The following ZFP1 variants were observed in gnomAD, a reference collection of about 807,000 sequenced individuals.
ZFP1 encodes the protein ZFP1 zinc finger protein.
ZFP1 carries 32 observed loss-of-function variants against 38.5 expected under a neutral mutation model. That is an observed-to-expected ratio of 0.83 (90% CI 0.63 to 1.12). The LOEUF (loss-of-function observed/expected upper bound fraction) is 1.12. Among genes scored for constraint, ZFP1 ranks in the 50% most tolerant of loss-of-function variants. The pLI is 0.00. For synonymous variants in ZFP1, 245 were observed against 168.8 expected (o/e 1.45, Z -3.50); for missense variants, 616 against 480.8 (o/e 1.28, Z -2.63).
At chr16:75,130,917 C>T in the ZFP1 span, among the ~76,000 whole-genome samples, 3 of 152,028 alleles carry the variant, frequency 2.0e-5, no homozygotes, top group African/African-American at 7.2e-5. Flanking sequence ...ATGCAAAGCC[C>T]TTGCAGTGGC....
At chr16:75,121,420 C>G in the ZFP1 span, among the ~76,000 whole-genome samples, 3 of 152,118 alleles carry the variant, frequency 2.0e-5, no homozygotes, top group Admixed American at 6.5e-5. Context: ...CCACCACACC[C>G]GGCAAATTTC....
chr16:75,141,102 A>T, the ZFP1 span, among the ~76,000 whole-genome samples: 2 of 152,184 alleles, frequency 1.3e-5, no homozygotes, highest in African/African-American at 4.8e-5. Context: ...TTTCTCCAAA[A>T]ATTGTTCTTA....
intron 2 of ZFP1, among the ~76,000 whole-genome samples, chr16:75,163,460 C>G (rs569564151): frequency 4.6e-5 from 7 of 152,050 alleles, no homozygotes; most frequent in African/African-American, 1.7e-4. Flanking sequence ...TACAGGTGCC[C>G]ACCACCATGC....
At chr16:75,135,702 TG>T in the ZFP1 span, among the ~76,000 whole-genome samples, 3 of 152,252 alleles carry the variant, frequency 2.0e-5, no homozygotes, top group Non-Finnish European at 2.9e-5. Flanking sequence ...CCCTTCTGTA[TG>T]GTACTATAAT....
chr16:75,138,506 G>C, the ZFP1 span, among the ~76,000 whole-genome samples: 11 of 152,194 alleles, frequency 7.2e-5, no homozygotes, highest in African/African-American at 2.7e-4. Flanking sequence ...CCTTTACTGG[G>C]TCGAATCACG....
At chr16:75,144,819 T>C (rs997611804), upstream of ZFP1, among the ~76,000 whole-genome samples, 2 of 152,154 alleles carry the variant, frequency 1.3e-5, no homozygotes, top group African/African-American at 4.8e-5. Context: ...GTGTCTGCCT[T>C]CTTTCTTTTT....
chr16:75,127,202 A>G, the ZFP1 span, among the ~76,000 whole-genome samples: 5 of 152,216 alleles, frequency 3.3e-5, no homozygotes, highest in Admixed American at 2.6e-4. Context: ...AACTGATTTT[A>G]TAAAAGGTAG....
At chr16:75,151,694 A>G (rs1183391119) in intron 1 of ZFP1, among the ~76,000 whole-genome samples, 1 of 152,146 alleles carries the variant, frequency 6.6e-6, no homozygotes, top group African/African-American at 2.4e-5. Flanking sequence ...CTTTGCTACT[A>G]TTTTTGCTTT....
chr16:75,146,101 G>A (rs1221162843), upstream of ZFP1, among the ~76,000 whole-genome samples: 1 of 152,138 alleles, frequency 6.6e-6, no homozygotes, highest in Non-Finnish European at 1.5e-5. Flanking sequence ...CCGCGAAGGG[G>A]TCCAGGGAAC....
chr16:75,141,354 C>T, the ZFP1 span, among the ~76,000 whole-genome samples: 3 of 151,722 alleles, frequency 2.0e-5, no homozygotes, highest in Non-Finnish European at 4.4e-5. Context: ...AGGCGCCCAC[C>T]ACCACACCTG....
chr16:75,149,897 G>A (rs1008811665), intron 1 of ZFP1, among the ~76,000 whole-genome samples: 1 of 151,656 alleles, frequency 6.6e-6, no homozygotes, highest in Non-Finnish European at 1.5e-5. Context: ...TGCCTCCCGG[G>A]TTCAAGCAGT....
chr16:75,150,229 G>C (rs1393132797), intron 1 of ZFP1, among the ~76,000 whole-genome samples: 1 of 126,886 alleles, frequency 7.9e-6, no homozygotes, highest in African/African-American at 3.0e-5. Context: ...TTTTTTTTGA[G>C]ACAGAGTCTC....
the ZFP1 span, among the ~76,000 whole-genome samples, chr16:75,137,630 A>AT: frequency 2.0e-5 from 3 of 150,240 alleles, no homozygotes; most frequent in South Asian, 2.1e-4. Context: ...CGCCCGGCTA[A>AT]TTTTTTTTTG....
the ZFP1 span, among the ~76,000 whole-genome samples, chr16:75,135,968 G>A: frequency 0.061 from 9,230 of 152,068 alleles, 945 homozygotes; most frequent in African/African-American, 0.21. Flanking sequence ...GGCACCCGCC[G>A]CCATGCCTGG....
chr16:75,163,381 C>CGCTCACTGCAACTT (rs2037889383), intron 2 of ZFP1, among the ~76,000 whole-genome samples: 2 of 151,454 alleles, frequency 1.3e-5, no homozygotes, highest in South Asian at 4.2e-4. Context: ...GGCATGATCT[C>CGCTCACTGCAACTT]GCTCACTGCA....
the ZFP1 span, among the ~76,000 whole-genome samples, chr16:75,125,793 A>G: frequency 6.6e-6 from 1 of 151,984 alleles, no homozygotes; most frequent in Non-Finnish European, 1.5e-5. Flanking sequence ...CTGTAAGCCC[A>G]GCACTTTGGC....
the ZFP1 span, among the ~76,000 whole-genome samples, chr16:75,138,590 T>C: frequency 4.6e-5 from 7 of 152,202 alleles, no homozygotes; most frequent in Non-Finnish European, 1.0e-4. Context: ...GCAGATGTAA[T>C]TAGCTAAGAT....
At chr16:75,161,722 C>T (rs1484381649) in intron 2 of ZFP1, among the ~76,000 whole-genome samples, 1 of 116,400 alleles carries the variant, frequency 8.6e-6, no homozygotes, top group African/African-American at 3.3e-5. Context: ...TTCTTTATTT[C>T]ACAGAAATAC....
intron 3 of ZFP1, 108 bp from the exon 4 acceptor site, chr16:75,169,145 A>G: frequency 7.3e-7 from 1 of 1,369,654 alleles, no homozygotes; most frequent in Non-Finnish European, 9.6e-7. Flanking sequence ...ACTGGGTCCC[A>G]AACTAAAGAG....
Sources: gnomAD v4.1 joint callset for allele counts (sites outside exome capture counted in the v4.1 genomes callset) on GRCh38, gnomAD v4.1.1 for gene constraint, MANE v1.5 for transcripts, NCBI Gene and HGNC (gene_info 2026-07-23, HGNC 2026-07-21) for gene names.